Variants in TMEM38B observed in about 807,000 individuals in gnomAD.
TMEM38B encodes the protein trimeric intracellular cation channel type B.
Under a neutral mutation model 28.7 loss-of-function variants are expected in TMEM38B, and 24 were observed. The observed-to-expected ratio is 0.84, with a 90% CI of 0.61 to 1.18. The LOEUF (loss-of-function observed/expected upper bound fraction) is 1.18, where lower values mean the gene tolerates loss of function less well. Among genes scored for constraint, TMEM38B ranks in the 50% most tolerant of loss-of-function variants. The probability of loss-of-function intolerance (pLI) is 0.00; values close to 1 mark genes in which losing one functional copy is unlikely to be tolerated. For missense variants in TMEM38B, 380 were observed against 350.9 expected, an observed-to-expected ratio of 1.08 and a Z score of -0.66; for synonymous variants, 131 against 127.7, an observed-to-expected ratio of 1.03 and a Z score of -0.17.
chr9:105,765,391 T>G lies in TMEM38B; in HGVS notation c.661-8474T>G, dbSNP rs538685880. On this transcript the variant is annotated intron_variant, in intron 5 of 5. Coordinates refer to ENST00000374692, the MANE Select transcript of TMEM38B (RefSeq NM_018112.3). ...TAATAAAGTACATTCAGTCTAGGAG[T>G]ACATTTTGATGAGTTTTGACAAATT... 2.6e-5 allele frequency among the ~76,000 whole-genome samples: 4 copies of G among 152,262 alleles called. No individual in the cohort carries two copies. The East Asian group carries it at 7.7e-4, about 29-fold the overall frequency.
Position 105,740,314 on chromosome 9 carries a change from G to A in TMEM38B, c.543-7759G>A, listed in dbSNP as rs1837153708. Among the ~76,000 whole-genome samples, 3 of 145,104 alleles carry A rather than the reference G, an allele frequency of 2.1e-5. No homozygotes were observed. The Admixed American group carries it at 2.1e-4, about 10-fold the overall frequency. ...CTTGCTCTGTTGCCCAGGCCAGAGT[G>A]CAGTGAAGTGATCTTGGCTCTCTTC... is the stretch of plus-strand genomic sequence containing the variant. On this transcript the variant is annotated intron_variant, in intron 4 of 5. Coordinates refer to ENST00000374692, the MANE Select transcript of TMEM38B (RefSeq NM_018112.3).
rs190510906 is a variant in TMEM38B at position 105,726,294 on chromosome 9, G to A, written c.542+3673G>A. On this transcript the variant is annotated intron_variant, in intron 4 of 5. Coordinates refer to ENST00000374692, the MANE Select transcript of TMEM38B (RefSeq NM_018112.3). ...TTTTTAAAAACTTTTTGAAGCTTTC[G>A]TAGTAACACTTAGCTTAAACACAAA... Among the ~76,000 whole-genome samples the A allele has an allele frequency of 3.4e-4, 51 of 151,630 alleles. 1 individual carries two copies. In the East Asian group the frequency reaches 9.6e-3, roughly 29 times the overall value.
intron 4 of TMEM38B, among the ~76,000 whole-genome samples, chr9:105,745,361 G>A (rs1588446992): frequency 6.6e-6 from 1 of 152,184 alleles, no homozygotes; most frequent in African/African-American, 2.4e-5. Flanking sequence ...TTTTTCATCT[G>A]TCTGTTGGCT....
intron 2 of TMEM38B, among the ~76,000 whole-genome samples, chr9:105,719,359 C>T (rs1349406273): frequency 2.6e-5 from 4 of 152,040 alleles, no homozygotes; most frequent in Admixed American, 1.3e-4. Context: ...GTTAAAGTTA[C>T]CTTGGATATG....
chr9:105,756,066 T>TA (rs1837819536), intron 5 of TMEM38B, among the ~76,000 whole-genome samples: 2 of 152,164 alleles, frequency 1.3e-5, no homozygotes, highest in South Asian at 4.1e-4. Flanking sequence ...TCCTATCTAC[T>TA]AAAAATACAA....
intron 2 of TMEM38B, among the ~76,000 whole-genome samples, chr9:105,716,374 T>TTGTGTGTATGTGTGTGTGTGTGTGTGTG (rs1554775407): frequency 1.3e-5 from 2 of 150,630 alleles, no homozygotes; most frequent in African/African-American, 4.9e-5. Context: ...GTTGTAGCAT[T>TTGTGTGTATGTGTGTGTGTGTGTGTGTG]TGTGTGTGTG....
intron 5 of TMEM38B, among the ~76,000 whole-genome samples, chr9:105,763,916 G>C (rs904793724): frequency 6.6e-6 from 1 of 150,712 alleles, no homozygotes; most frequent in African/African-American, 2.5e-5. Flanking sequence ...GGGATGCAAG[G>C]CTGGTTCAAT....
chr9:105,729,100 C>G (rs1836635671), intron 4 of TMEM38B, among the ~76,000 whole-genome samples: 1 of 152,180 alleles, frequency 6.6e-6, no homozygotes, highest in Non-Finnish European at 1.5e-5. Flanking sequence ...TCCCATTTGT[C>G]AATTTTGGCT....
At chr9:105,722,135 A>G (rs1422269759) in intron 3 of TMEM38B, among the ~76,000 whole-genome samples, 1 of 152,202 alleles carries the variant, frequency 6.6e-6, no homozygotes, top group Non-Finnish European at 1.5e-5. Flanking sequence ...CTATGGGTTC[A>G]TGATCATTGA....
rs1835532270 is a variant in TMEM38B at position 105,703,608 on chromosome 9, C to G, written c.113-1989C>G. 4.6e-5 allele frequency among the ~76,000 whole-genome samples: 7 copies of G among 152,282 alleles called. No individual in the cohort carries two copies. In the South Asian group the frequency reaches 1.5e-3, roughly 32 times the overall value. ...AAATGGTATTTCCAGTTCTAGATCC[C>G]TGAGTAATCGCCACACTGACTTCCA... is the stretch of plus-strand genomic sequence containing the variant. On this transcript the variant is annotated intron_variant, in intron 1 of 5. Coordinates refer to ENST00000374692, the MANE Select transcript of TMEM38B (RefSeq NM_018112.3).
At chr9:105,769,181 A>T (rs991181448) in intron 5 of TMEM38B, among the ~76,000 whole-genome samples, 22 of 152,052 alleles carry the variant, frequency 1.4e-4, no homozygotes, top group Non-Finnish European at 1.5e-5. Context: ...TCAACAGACA[A>T]TTCACACAGA....
chr9:105,753,282 ACAAGCCAACATT>A (rs1837724321), intron 5 of TMEM38B, among the ~76,000 whole-genome samples: 1 of 152,170 alleles, frequency 6.6e-6, no homozygotes, highest in South Asian at 2.1e-4. Flanking sequence ...ACCTAACAAG[ACAAGCCAACATT>A]CAAGTTCAGG....
chr9:105,731,560 G>A (rs1429827085), intron 4 of TMEM38B, among the ~76,000 whole-genome samples: 2 of 152,008 alleles, frequency 1.3e-5, no homozygotes, highest in African/African-American at 4.8e-5. Flanking sequence ...TGTAGTGTTT[G>A]GTTTTCTGTC....
At chr9:105,750,604 ACT>A (rs1376454994) in intron 5 of TMEM38B, among the ~76,000 whole-genome samples, 7 of 149,760 alleles carry the variant, frequency 4.7e-5, no homozygotes, top group Admixed American at 3.3e-4. Flanking sequence ...ACAGAGAAAG[ACT>A]CTGTCTCAAA....
At chr9:105,718,946 G>T (rs558418995) in intron 2 of TMEM38B, among the ~76,000 whole-genome samples, 2 of 152,224 alleles carry the variant, frequency 1.3e-5, no homozygotes, top group East Asian at 3.9e-4. Flanking sequence ...TTTTCAATTT[G>T]TTGGAGTGAT....
chr9:105,759,432 A>C, intron 5 of TMEM38B: 5 of 1,559,070 alleles, frequency 3.2e-6, no homozygotes, highest in Non-Finnish European at 4.3e-6. Flanking sequence ...CAGGATTTCA[A>C]GAAAGATGTG....
chr9:105,749,815 T>A (rs1479919656), intron 5 of TMEM38B, among the ~76,000 whole-genome samples: 1 of 152,244 alleles, frequency 6.6e-6, no homozygotes, highest in Non-Finnish European at 1.5e-5. Flanking sequence ...ATATGGATAA[T>A]GAGCTGTGAA....
intron 4 of TMEM38B, among the ~76,000 whole-genome samples, chr9:105,738,682 G>T: frequency 6.9e-6 from 1 of 145,474 alleles, no homozygotes; most frequent in African/African-American, 2.5e-5. Flanking sequence ...TAACTTAAAA[G>T]AAGCTCACAG....
chr9:105,708,706 G>A (rs1835772371), intron 2 of TMEM38B, among the ~76,000 whole-genome samples: 3 of 152,016 alleles, frequency 2.0e-5, no homozygotes, highest in Admixed American at 2.0e-4. Context: ...TCTTCTCTTT[G>A]TAATCTTTTT....
Sources: allele counts gnomAD v4.1 joint callset (sites outside exome capture counted in the v4.1 genomes callset), GRCh38; gene constraint gnomAD v4.1.1; transcripts MANE v1.5; gene names NCBI Gene and HGNC (gene_info 2026-07-23, HGNC 2026-07-21).